Variants in CLEC1B observed in about 807,000 individuals in gnomAD.
The protein encoded by CLEC1B is C-type lectin-like receptor 2.
In CLEC1B, 26 loss-of-function variants were observed where a neutral mutation model predicts 26.7. That is an observed-to-expected ratio of 0.97 (90% CI 0.71 to 1.35). The LOEUF (loss-of-function observed/expected upper bound fraction) is 1.35. Ranked by LOEUF, CLEC1B falls within the 40% of genes most tolerant of loss-of-function variation. The probability of loss-of-function intolerance (pLI) is 0.00; values close to 1 mark genes in which losing one functional copy is unlikely to be tolerated. For synonymous variants in CLEC1B, 112 were observed against 96.0 expected (o/e 1.17, Z -0.97); for missense variants, 293 against 282.6 (o/e 1.04, Z -0.26).
intron 5 of CLEC1B, 39 bp from the exon 6 acceptor site, chr12:9,993,326 G>A (rs767850195): frequency 1.3e-6 from 2 of 1,536,216 alleles, no homozygotes; most frequent in Non-Finnish European, 1.8e-6. Flanking sequence ...TTTGAAAACT[G>A]AGCAAACAAT....
intron 5 of CLEC1B, 111 bp downstream of exon 5, chr12:9,995,029 C>A (rs777388080): frequency 1.3e-6 from 2 of 1,579,676 alleles, no homozygotes; most frequent in African/African-American, 1.3e-5. Flanking sequence ...AGGTAAGTGA[C>A]CCAGCTGCTG....
At chr12:9,993,413 A>AG (rs1251519351) in intron 5 of CLEC1B, 126 bp from the exon 6 acceptor site, 2 of 744,836 alleles carry the variant, frequency 2.7e-6, no homozygotes, top group Non-Finnish European at 4.2e-6. Context: ...AAACAAAAAA[A>AG]AAAACGATTC....
chr12:9,997,201 C>T lies in CLEC1B; in HGVS notation c.242G>A (p.Cys81Tyr), dbSNP rs1865074571. 6.2e-7 allele frequency: 1 copy of T among 1,613,992 alleles called. No homozygotes were observed. Among genetic ancestry groups the T allele is most frequent in the Non-Finnish European group, 8.5e-7 (1 of 1,179,964 alleles). ...TTCTGATTGTTTTACCACATATTGA[C>T]AGAAGCGCTTTGCTAATTGTTGCAG... ...GTLQQLAKRF[C>Y]QYVVKQSELK... Residue 81 changes from cysteine to tyrosine, a missense_variant, in exon 3 of 6, where the codon TGT becomes TAT. Physicochemically the swap from Cys to Tyr is radical, Grantham distance 194 (BLOSUM62 -2). Transcript: ENST00000298527.
chr12:9,999,002 T>A, intron 1 of CLEC1B, 35 bp downstream of exon 1: 1 of 1,260,448 alleles, frequency 7.9e-7, no homozygotes, highest in Non-Finnish European at 1.1e-6. Flanking sequence ...ATTTTTTAAA[T>A]TAATTTCCAA....
intron 5 of CLEC1B, 35 bp downstream of exon 5, chr12:9,995,105 G>A (rs1865006392): frequency 1.9e-6 from 3 of 1,606,116 alleles, no homozygotes; most frequent in Non-Finnish European, 2.6e-6. Context: ...AGAGTTTCCA[G>A]TACTCCCTCC....
intron 4 of CLEC1B, 194 bp from the exon 5 acceptor site, chr12:9,995,440 A>G: frequency 1.8e-6 from 1 of 553,786 alleles, no homozygotes; most frequent in Non-Finnish European, 3.3e-6. Flanking sequence ...CTTATAGGAC[A>G]CAGGTAAAAT....
At chr12:9,993,354 G>T (rs538481148) in intron 5 of CLEC1B, 67 bp from the exon 6 acceptor site, 18 of 1,137,532 alleles carry the variant, frequency 1.6e-5, no homozygotes, top group Middle Eastern at 2.2e-4. Context: ...CAGACTCTGC[G>T]TATAGTAGTT....
chr12:9,998,872 G>T (rs1417331759), intron 1 of CLEC1B, among the ~76,000 whole-genome samples, 165 bp downstream of exon 1: 2 of 151,986 alleles, frequency 1.3e-5, no homozygotes, highest in Non-Finnish European at 1.5e-5. Flanking sequence ...AATCTAAATA[G>T]GTCTGTATGA....
chr12:10,000,683 C>G (rs1173419989), upstream of CLEC1B, among the ~76,000 whole-genome samples: 1 of 152,160 alleles, frequency 6.6e-6, no homozygotes, highest in Admixed American at 6.5e-5. Flanking sequence ...TGCTTCTGTT[C>G]TCATAACTTC....
Position 9,996,987 on chromosome 12 carries a change from G to C in CLEC1B, c.297C>G (p.Cys99Trp). ...ATCTCCAGTTTGTGTCACAGGGGCTGCATTTATGACCTTCTGGAGAAACCA... is the reference window on the plus strand; with the variant it reads ...ATCTCCAGTTTGTGTCACAGGGGCTCCATTTATGACCTTCTGGAGAAACCA... ...ELKGTFKGHK[C>W]SPCDTNWRYY... is the part of the protein sequence containing the mutation. The change falls in exon 4 of 6, where the codon TGC (cysteine) becomes TGG (tryptophan). Residue 99 changes from cysteine to tryptophan, a missense_variant. Cys to Trp is a radical substitution (Grantham distance 215). Coordinates refer to ENST00000298527, the MANE Select transcript of CLEC1B (RefSeq NM_016509.4). 1 of 1,613,972 alleles carries C rather than the reference G, an allele frequency of 6.2e-7. No homozygotes were observed. Among genetic ancestry groups the C allele is most frequent in the Non-Finnish European group, 8.5e-7 (1 of 1,179,952 alleles).
At chr12:9,997,043 G>A in intron 3 of CLEC1B, 43 bp from the exon 4 acceptor site, 1 of 1,610,020 alleles carries the variant, frequency 6.2e-7, no homozygotes, top group Non-Finnish European at 8.5e-7. Flanking sequence ...TTTCTAAATT[G>A]GGCTTACATT....
At chr12:10,000,642 T>G (rs1465536088), upstream of CLEC1B, among the ~76,000 whole-genome samples, 1 of 152,230 alleles carries the variant, frequency 6.6e-6, no homozygotes, top group Non-Finnish European at 1.5e-5. Context: ...ATAAGCTGGG[T>G]AAATTCAGTC....
intron 2 of CLEC1B, 114 bp from the exon 3 acceptor site, chr12:9,997,393 A>G (rs1022182077): frequency 1.1e-6 from 1 of 870,594 alleles, no homozygotes; most frequent in Admixed American, 2.7e-5. Context: ...GGAGTTTACT[A>G]GATACACATG....
chr12:9,994,308 A>G (rs1266314012), intron 5 of CLEC1B, among the ~76,000 whole-genome samples: 2 of 152,188 alleles, frequency 1.3e-5, no homozygotes, highest in Non-Finnish European at 2.9e-5. Context: ...GGCAGCAAGC[A>G]ATAGGAGATA....
At chr12:9,998,610 T>C (rs1006635268) in intron 1 of CLEC1B, among the ~76,000 whole-genome samples, 5 of 128,406 alleles carry the variant, frequency 3.9e-5, no homozygotes, top group African/African-American at 1.5e-4. Context: ...CAAGCTGAAA[T>C]ATTACTTGCT....
At chr12:9,994,944 TTAGA>T (rs1434896065) in intron 5 of CLEC1B, 192 bp downstream of exon 5, 6 of 1,409,146 alleles carry the variant, frequency 4.3e-6, no homozygotes, top group Admixed American at 2.2e-5. Flanking sequence ...GGATTGTGGC[TTAGA>T]TAAAGAGCAA....
chr12:10,001,373 C>G (rs1429920094), upstream of CLEC1B, among the ~76,000 whole-genome samples: 1 of 152,232 alleles, frequency 6.6e-6, no homozygotes, highest in Non-Finnish European at 1.5e-5. Flanking sequence ...TTTCCTATAT[C>G]TCAGGCTCTG....
At chr12:9,998,197 G>A (rs577006784) in intron 2 of CLEC1B, 85 bp downstream of exon 2, 25 of 991,470 alleles carry the variant, frequency 2.5e-5, no homozygotes, top group Non-Finnish European at 3.7e-5. Context: ...GACAAATAGC[G>A]ACCATTGAGA....
Position 9,993,103 on chromosome 12 carries a change from A to G in CLEC1B, c.*40T>C. On this transcript the variant is annotated 3_prime_UTR_variant, in exon 6 of 6. Coordinates refer to ENST00000298527, the MANE Select transcript of CLEC1B (RefSeq NM_016509.4). ...ATTCATACATATCTTTTATTGTACA[A>G]TAAAGCCCTTATCTGTGTTATCCTG... 2 of 1,577,806 alleles carry G rather than the reference A, an allele frequency of 1.3e-6. No individual in the cohort carries two copies. The highest frequency in any genetic ancestry group is 1.7e-6 in the Non-Finnish European group (2 of 1,154,310).
Sources: gnomAD v4.1 joint callset for allele counts (sites outside exome capture counted in the v4.1 genomes callset) on GRCh38, gnomAD v4.1.1 for gene constraint, MANE v1.5 for transcripts, NCBI Gene and HGNC (gene_info 2026-07-23, HGNC 2026-07-21) for gene names.